Variants in LMBR1 observed in about 807,000 individuals in gnomAD.
The protein encoded by LMBR1 is limb region 1 protein homolog.
In LMBR1, 52 loss-of-function variants were observed where a neutral mutation model predicts 73.9. The ratio of observed to expected loss-of-function variants is 0.70; its 90% CI spans 0.56 to 0.89. LMBR1 has a LOEUF of 0.89. Ranked by LOEUF, LMBR1 falls within the 40% of genes least tolerant of loss-of-function variation. The pLI is 0.00. For missense variants in LMBR1, 539 were observed against 579.8 expected, an observed-to-expected ratio of 0.93 and a Z score of 0.72; for synonymous variants, 215 against 209.4, an observed-to-expected ratio of 1.03 and a Z score of -0.23.
At chr7:156,730,265 G>A (rs891696346) in intron 10 of LMBR1, among the ~76,000 whole-genome samples, 3 of 152,178 alleles carry the variant, frequency 2.0e-5, no homozygotes, top group African/African-American at 7.2e-5. Flanking sequence ...AGGCCAAGAA[G>A]AACAACAGAA....
chr7:156,819,359 A>G (rs1025841028), intron 4 of LMBR1, among the ~76,000 whole-genome samples: 2 of 152,228 alleles, frequency 1.3e-5, no homozygotes, highest in African/African-American at 4.8e-5. Context: ...TTACACATTA[A>G]AGGCACAATC....
At chr7:156,739,930 AAG>A (rs1342140571) in intron 9 of LMBR1, among the ~76,000 whole-genome samples, 1 of 152,178 alleles carries the variant, frequency 6.6e-6, no homozygotes, top group Non-Finnish European at 1.5e-5. Context: ...ATCCTGGAGA[AAG>A]AGAAATATAT....
At chr7:156,782,219 C>T (rs1477298776) in intron 5 of LMBR1, among the ~76,000 whole-genome samples, 3 of 152,166 alleles carry the variant, frequency 2.0e-5, no homozygotes, top group Non-Finnish European at 2.9e-5. Flanking sequence ...CATTATTCAT[C>T]ATACACAGTT....
At position 156,831,209 on chromosome 7, in the gene LMBR1, G is replaced by A. The variant is rs533919116; in HGVS notation, c.179+2544C>T. Among the ~76,000 whole-genome samples, 16 of 150,226 alleles carry A rather than the reference G, an allele frequency of 1.1e-4. No individual in the cohort carries two copies. The South Asian group carries it at 2.9e-3, about 28-fold the overall frequency. ...AAAGAATTCTAAGCAGACAAAACAG[G>A]TCAAAAGCGCTACGGTGGAGGAAAC... On this transcript the variant is annotated intron_variant, in intron 3 of 16. Transcript: ENST00000353442.
intron 3 of LMBR1, among the ~76,000 whole-genome samples, chr7:156,831,147 A>G (rs1836601491): frequency 6.6e-6 from 1 of 152,172 alleles, no homozygotes; most frequent in South Asian, 2.1e-4. Context: ...ACAAAACTAA[A>G]TAAGGTGAGA....
Position 156,859,064 on chromosome 7 carries a change from AT to A in LMBR1, c.67-22180del, listed in dbSNP as rs376430725. On this transcript the variant is annotated intron_variant, in intron 1 of 16. Transcript: ENST00000353442. The stretch of plus-strand genomic sequence containing the variant: ...AGGTCAGGAGTTTGAGACCAGCCTG[AT>A]CAACATAAAGAAACTCTGTCTCTAC... 8.9e-4 allele frequency among the ~76,000 whole-genome samples: 136 copies of A among 152,176 alleles called. 1 individual carries two copies. The highest frequency in any genetic ancestry group is 3.4e-3 in the Middle Eastern group (1 of 294).
At chr7:156,805,956 T>G (rs1017815377) in intron 4 of LMBR1, among the ~76,000 whole-genome samples, 2 of 152,130 alleles carry the variant, frequency 1.3e-5, no homozygotes, top group Admixed American at 1.3e-4. Flanking sequence ...GAGACAACCA[T>G]CCGTGAGCCA....
At chr7:156,724,310 T>A in intron 14 of LMBR1, 132 bp from the exon 15 acceptor site, 1 of 613,456 alleles carries the variant, frequency 1.6e-6, no homozygotes, top group South Asian at 2.1e-5. Flanking sequence ...ATGATACTAT[T>A]CAGTACAGAA....
chr7:156,757,953 A>G (rs1451207759), intron 8 of LMBR1, among the ~76,000 whole-genome samples: 1 of 152,226 alleles, frequency 6.6e-6, no homozygotes, highest in Non-Finnish European at 1.5e-5. Flanking sequence ...CTAAAATAAT[A>G]ATCAACAGTA....
intron 5 of LMBR1, among the ~76,000 whole-genome samples, chr7:156,767,749 T>C (rs1234873796): frequency 1.3e-5 from 2 of 151,592 alleles, no homozygotes; most frequent in African/African-American, 2.4e-5. Flanking sequence ...ACAAAATATA[T>C]AAAATACGAA....
intron 15 of LMBR1, among the ~76,000 whole-genome samples, chr7:156,696,038 C>A (rs1585226315): frequency 1.3e-5 from 2 of 152,122 alleles, no homozygotes; most frequent in East Asian, 3.9e-4. Context: ...ATCTATATGT[C>A]ATACTATATT....
At chr7:156,810,078 A>AAG (rs991673778) in intron 4 of LMBR1, among the ~76,000 whole-genome samples, 1 of 152,036 alleles carries the variant, frequency 6.6e-6, no homozygotes, top group African/African-American at 2.4e-5. Context: ...TTAAAAAAAA[A>AAG]AGAGAGAGAT....
chr7:156,809,337 G>A (rs1034766745), intron 4 of LMBR1, among the ~76,000 whole-genome samples: 2 of 152,080 alleles, frequency 1.3e-5, no homozygotes, highest in African/African-American at 4.8e-5. Context: ...AGACTGGCTG[G>A]GATTTTTCTT....
rs755606420 is a variant in LMBR1 at position 156,756,466 on chromosome 7, CTAAATT to C, written c.685-7_685-2del. On this transcript the variant is annotated splice_acceptor_variant and splice_polypyrimidine_tract_variant and intron_variant, in intron 8 of 16. Coordinates refer to ENST00000353442, the MANE Select transcript of LMBR1 (RefSeq NM_022458.4). LOFTEE classifies it high-confidence loss of function. Reference sequence around the variant, plus strand: ...TTTGTTCATCCAGGTCTTCAAGAATCTAAATTTAAAGATAAAACTATTCAATAATTC... The same window carrying C: ...TTTGTTCATCCAGGTCTTCAAGAATCTAAAGATAAAACTATTCAATAATTC... The C allele has an allele frequency of 3.6e-6, 5 of 1,404,538 alleles. No individual in the cohort carries two copies. The Admixed American group carries it at 9.3e-5, about 26-fold the overall frequency. 87.0% of individuals were successfully genotyped at this position (1,404,538 alleles called of 1,614,324 possible).
At chr7:156,859,909 A>G (rs560861761) in intron 1 of LMBR1, among the ~76,000 whole-genome samples, 1 of 152,360 alleles carries the variant, frequency 6.6e-6, no homozygotes, top group South Asian at 2.1e-4. Flanking sequence ...TAGGCCTACA[A>G]TAATCAAGAC....
chr7:156,691,520 C>T (rs1360932408), intron 15 of LMBR1, among the ~76,000 whole-genome samples: 1 of 152,132 alleles, frequency 6.6e-6, no homozygotes, highest in Non-Finnish European at 1.5e-5. Flanking sequence ...AATTTATGTT[C>T]TTTAGCCCAC....
chr7:156,720,488 T>C (rs951232259), intron 15 of LMBR1, among the ~76,000 whole-genome samples: 12 of 152,112 alleles, frequency 7.9e-5, no homozygotes, highest in African/African-American at 2.9e-4. Flanking sequence ...TGAGTTTTTA[T>C]GGTGGTATCA....
chr7:156,866,629 A>G (rs1798501434), intron 1 of LMBR1, among the ~76,000 whole-genome samples: 1 of 148,986 alleles, frequency 6.7e-6, no homozygotes, highest in African/African-American at 2.5e-5. Flanking sequence ...TTAATGAGAC[A>G]TAGTCTTGCT....
chr7:156,799,845 A>G (rs1220529994), intron 4 of LMBR1, among the ~76,000 whole-genome samples: 1 of 152,256 alleles, frequency 6.6e-6, no homozygotes, highest in Non-Finnish European at 1.5e-5. Flanking sequence ...ATGACAAGAA[A>G]GCAAAACAGC....
Sources: gnomAD v4.1 joint callset for allele counts (sites outside exome capture counted in the v4.1 genomes callset) on GRCh38, gnomAD v4.1.1 for gene constraint, MANE v1.5 for transcripts, NCBI Gene and HGNC (gene_info 2026-07-23, HGNC 2026-07-21) for gene names.